The following IRS1 variants were observed in gnomAD, a reference collection of about 807,000 sequenced individuals.
The protein encoded by IRS1 is insulin receptor substrate 1.
Under a neutral mutation model 65.6 loss-of-function variants are expected in IRS1, and 34 were observed. The ratio of observed to expected loss-of-function variants is 0.52; its 90% CI spans 0.39 to 0.69. IRS1 has a LOEUF of 0.69. IRS1 is among the 30% of genes least tolerant of loss of function. The probability of loss-of-function intolerance (pLI) is 0.00; values close to 1 mark genes in which losing one functional copy is unlikely to be tolerated. For missense variants in IRS1, 1,641 were observed against 1,720.2 expected, an observed-to-expected ratio of 0.95 and a Z score of 0.81; for synonymous variants, 699 against 683.5, an observed-to-expected ratio of 1.02 and a Z score of -0.35.
chr2:226,786,676 ACC>A (rs1939493743), intron 1 of IRS1, among the ~76,000 whole-genome samples: 1 of 149,920 alleles, frequency 6.7e-6, no homozygotes, highest in African/African-American at 2.5e-5. Context: ...ACAAAAAAAA[ACC>A]AAAAAAAATT....
intron 1 of IRS1, among the ~76,000 whole-genome samples, chr2:226,764,434 A>G (rs1030150280): frequency 6.6e-6 from 1 of 152,120 alleles, no homozygotes; most frequent in African/African-American, 2.4e-5. Context: ...TCCAAGCTAC[A>G]TGGGAGGATA....
rs1475576224 is a variant in IRS1 at position 226,732,824 on chromosome 2, A to G, written c.*3448T>C. 1 of 152,132 alleles carries G rather than the reference A, an allele frequency of 6.6e-6. No homozygotes were observed. The highest frequency in any genetic ancestry group is 2.4e-5 in the African/African-American group (1 of 41,426). 9.4% of individuals were successfully genotyped at this position (152,132 alleles called of 1,614,324 possible). A position where few individuals can be genotyped will look rare whatever the true frequency, so the allele number is the denominator to read the frequency against. ...CAAGTCATTGCAAAGAAGAAATTTCATATTGGCTTCCACCCATTCTTCTTC... is the reference window on the plus strand; with the variant it reads ...CAAGTCATTGCAAAGAAGAAATTTCGTATTGGCTTCCACCCATTCTTCTTC... On this transcript the variant is annotated 3_prime_UTR_variant, in exon 2 of 2. Coordinates refer to ENST00000305123, the MANE Select transcript of IRS1 (RefSeq NM_005544.3).
intron 1 of IRS1, among the ~76,000 whole-genome samples, chr2:226,788,892 C>T (rs1331808552): frequency 1.3e-5 from 2 of 151,764 alleles, no homozygotes; most frequent in African/African-American, 2.4e-5. Context: ...AATAAGGTAA[C>T]GAAGGAATAA....
At chr2:226,758,968 C>T (rs1938860465) in intron 1 of IRS1, among the ~76,000 whole-genome samples, 1 of 152,148 alleles carries the variant, frequency 6.6e-6, no homozygotes, top group African/African-American at 2.4e-5. Context: ...AATTATTTTG[C>T]CCAGTAACTG....
intron 1 of IRS1, among the ~76,000 whole-genome samples, chr2:226,783,642 A>T: frequency 6.6e-6 from 1 of 152,242 alleles, no homozygotes; most frequent in Non-Finnish European, 1.5e-5. Flanking sequence ...AACATCTAAG[A>T]ATAATTTTAT....
intron 1 of IRS1, among the ~76,000 whole-genome samples, chr2:226,763,711 C>T (rs2106167977): frequency 6.6e-6 from 1 of 152,284 alleles, no homozygotes; most frequent in African/African-American, 2.4e-5. Context: ...AGTTTTATTT[C>T]ATCTAGAATT....
At chr2:226,762,215 G>A (rs562182487) in intron 1 of IRS1, among the ~76,000 whole-genome samples, 17 of 152,150 alleles carry the variant, frequency 1.1e-4, no homozygotes, top group African/African-American at 3.9e-4. Flanking sequence ...CACTATTCAG[G>A]GGTGGCATCC....
chr2:226,788,197 T>C (rs1334354927), intron 1 of IRS1, among the ~76,000 whole-genome samples: 1 of 152,082 alleles, frequency 6.6e-6, no homozygotes, highest in Non-Finnish European at 1.5e-5. Context: ...ATATGCAATA[T>C]TTATAAAACT....
At chr2:226,777,856 G>A (rs745636091) in intron 1 of IRS1, among the ~76,000 whole-genome samples, 4 of 152,060 alleles carry the variant, frequency 2.6e-5, no homozygotes, top group African/African-American at 9.7e-5. Context: ...GCCCAGCCTC[G>A]GGTTTGTCTT....
At chr2:226,786,833 C>A (rs1939498757) in intron 1 of IRS1, among the ~76,000 whole-genome samples, 1 of 148,560 alleles carries the variant, frequency 6.7e-6, no homozygotes. Context: ...AAGAGACTAC[C>A]ACAAACTTAA....
At position 226,795,843 on chromosome 2, in the gene IRS1, C is replaced by T; in HGVS notation, c.2896G>A (p.Gly966Ser). Residue 966 changes from glycine (G) to serine (S), a missense_variant, in exon 1 of 2, where the codon GGC (glycine) becomes AGC (serine). This residue lies in a region of IRS1 where 1,324 missense variants were observed against 1,361.0 expected (regional missense o/e 0.97). Transcript: ENST00000305123. ...CTAGCAGCCCCGGGAGGTGCAGGGC[C>T]CAGTCTGCCCATCTCGACCCCAGTG... ...ESTGVEMGRL[G>S]PAPPGAASIC... 6.2e-7 allele frequency: 1 copy of T among 1,613,322 alleles called. No individual in the cohort carries two copies. The highest frequency in any genetic ancestry group is 8.5e-7 in the Non-Finnish European group (1 of 1,179,916).
At chr2:226,755,145 T>C (rs546444017) in intron 1 of IRS1, among the ~76,000 whole-genome samples, 1 of 152,346 alleles carries the variant, frequency 6.6e-6, no homozygotes, top group Non-Finnish European at 1.5e-5. Context: ...CATCCTTTTT[T>C]AGAAAGCCAA....
chr2:226,759,288 A>T (rs571457553), intron 1 of IRS1, among the ~76,000 whole-genome samples: 1 of 152,384 alleles, frequency 6.6e-6, no homozygotes, highest in East Asian at 1.9e-4. Flanking sequence ...CTACAAAGGA[A>T]AACGTTTAGT....
chr2:226,796,137 C>T lies in IRS1; in HGVS notation c.2602G>A (p.Ala868Thr). 1.2e-6 allele frequency: 2 copies of T among 1,613,598 alleles called. No homozygotes were observed. The highest frequency in any genetic ancestry group is 1.7e-6 in the Non-Finnish European group (2 of 1,180,010). Residue 868 changes from alanine (A) to threonine (T), a missense_variant, in exon 1 of 2, where the codon GCC (alanine) becomes ACC (threonine). By Grantham distance (58) the Ala-to-Thr change is moderately conservative. Coordinates refer to ENST00000305123, the MANE Select transcript of IRS1 (RefSeq NM_005544.3). ...PTRLSLGDPK[A>T]STLPRAREQQ... ...TCTCGGGCCCGAGGTAAGGTGCTGG[C>T]CTTGGGATCCCCCAGGGACAGCCTC...
intron 1 of IRS1, among the ~76,000 whole-genome samples, chr2:226,784,739 T>A (rs1190187973): frequency 6.6e-6 from 1 of 152,222 alleles, no homozygotes; most frequent in Non-Finnish European, 1.5e-5. Context: ...TCAAATGTTA[T>A]CTGTTACCAC....
Position 226,796,553 on chromosome 2 carries a change from G to A in IRS1, c.2186C>T (p.Thr729Ile), listed in dbSNP as rs774562245. The A allele has an allele frequency of 6.2e-7, 1 of 1,614,058 alleles. No homozygotes were observed. The highest frequency in any genetic ancestry group is 8.5e-7 in the Non-Finnish European group (1 of 1,180,016). Reference sequence around the variant, plus strand: ...TGGTGACATGTTCATGTAGTCACCTGTGCAAGGTAAGAGCTTACCACCGCT... The same window carrying A: ...TGGTGACATGTTCATGTAGTCACCTATGCAAGGTAAGAGCTTACCACCGCT... ...ESSGGKLLPC[T>I]GDYMNMSPVG... Residue 729 changes from threonine to isoleucine, a missense_variant, in exon 1 of 2, where the codon ACA becomes ATA. Thr to Ile is a moderately conservative substitution (Grantham distance 89). Coordinates refer to ENST00000305123, the MANE Select transcript of IRS1 (RefSeq NM_005544.3).
chr2:226,739,614 G>A (rs890767946), intron 1 of IRS1, among the ~76,000 whole-genome samples: 10 of 152,128 alleles, frequency 6.6e-5, no homozygotes, highest in African/African-American at 1.9e-4. Context: ...TTCCGAAACC[G>A]AAGTTCCAAA....
Position 226,796,425 on chromosome 2 carries a change from T to C in IRS1, c.2314A>G (p.Lys772Glu), listed in dbSNP as rs201101010. The C allele has an allele frequency of 1.9e-6, 3 of 1,613,630 alleles. No homozygotes were observed. Among genetic ancestry groups the C allele is most frequent in the East Asian group, 2.2e-5 (1 of 44,890 alleles). Residue 772 changes from lysine (K) to glutamate (E), a missense_variant, in exon 1 of 2, where the codon AAG (lysine) becomes GAG (glutamate). By Grantham distance (56) the Lys-to-Glu change is moderately conservative. Around this residue, in one of 3 missense-constraint regions of IRS1, gnomAD observed 1,324 missense variants for 1,361.0 expected, o/e 0.97. Transcript: ENST00000305123. ...GGCTCCCCGGGGCGCTGGGTGTGCT[T>C]AAAGGATCTTGGCAATGAGTAGTAG... ...LSYYSLPRSFKHTQRPGEPEE... is the reference protein window; with the variant it reads ...LSYYSLPRSFEHTQRPGEPEE...
rs1939037350 is a variant in IRS1 at position 226,766,148 on chromosome 2, TATA to T, written c.*21+28838_*21+28840del. 3.1e-3 allele frequency among the ~76,000 whole-genome samples: 23 copies of T among 7,434 alleles called. 1 individual carries two copies. Among genetic ancestry groups the T allele is most frequent in the Admixed American group, 8.2e-3 (4 of 488 alleles). The allele number at this position is 7,434 out of a possible 152,430, so 4.9% of individuals were successfully genotyped here. On this transcript the variant is annotated intron_variant, in intron 1 of 1. Coordinates refer to ENST00000305123, the MANE Select transcript of IRS1 (RefSeq NM_005544.3). ...ATATATATATATATATATATATATA[TATA>T]TATATATATATATTTTTTTTTTTTT...
Sources: gnomAD v4.1 joint callset for allele counts (sites outside exome capture counted in the v4.1 genomes callset) on GRCh38, gnomAD v4.1.1 for gene constraint, gnomAD v4.1.1 regional missense constraint, MANE v1.5 for transcripts, NCBI Gene and HGNC (gene_info 2026-07-23, HGNC 2026-07-21) for gene names.